The following CDC25B variants were observed in gnomAD, a reference collection of about 807,000 sequenced individuals.
The protein encoded by CDC25B is M-phase inducer phosphatase 2.
Under a neutral mutation model 69.8 loss-of-function variants are expected in CDC25B, and 33 were observed. The observed-to-expected ratio is 0.47, with a 90% confidence interval of 0.36 to 0.63. The LOEUF is 0.63. Among genes scored for constraint, CDC25B ranks in the 30% least tolerant of loss-of-function variants. The probability of loss-of-function intolerance (pLI) is 0.00; values close to 1 mark genes in which losing one functional copy is unlikely to be tolerated. For synonymous variants in CDC25B, 341 were observed against 314.6 expected (o/e 1.08, Z -0.89); for missense variants, 727 against 809.1 (o/e 0.90, Z 1.23).
upstream of CDC25B, chr20:3,796,121 G>A: frequency 1.9e-6 from 2 of 1,040,374 alleles, no homozygotes; most frequent in Non-Finnish European, 2.3e-6. Context: ...GGATGTGCGA[G>A]GGTGTGGGAT....
upstream of CDC25B, among the ~76,000 whole-genome samples, chr20:3,792,136 A>G (rs540793579): frequency 1.3e-5 from 2 of 151,184 alleles, no homozygotes; most frequent in South Asian, 4.2e-4. Context: ...CTGATCTTGA[A>G]CTCCTGACTT....
Position 3,801,044 on chromosome 20 carries a change from G to A in CDC25B, c.656G>A (p.Ser219Asn). 6.2e-7 allele frequency: 1 copy of A among 1,614,066 alleles called. No individual in the cohort carries two copies. Among genetic ancestry groups the A allele is most frequent in the Non-Finnish European group, 8.5e-7 (1 of 1,179,912 alleles). Reference protein sequence around the residue: ...SSTHALAEWASRREAFAQRPS... With the variant: ...SSTHALAEWANRREAFAQRPS... ...ACCCATGCTCTGGCAGAGTGGGCCA[G>A]CCGCAGGGAAGCCTTTGCCCAGAGA... Residue 219 changes from serine (S) to asparagine (N), a missense_variant, in exon 7 of 16, where the codon AGC becomes AAC. Ser to Asn is a conservative substitution (Grantham distance 46, BLOSUM62 1). Transcript: ENST00000245960.
chr20:3,801,785 GA>G lies in CDC25B; in HGVS notation c.908del (p.Lys303ArgfsTer26). ...LISAPLVKTL[E>X]KEEEKDLVMY... Reference sequence around the variant, plus strand: ...TAGTGCCCCACTGGTCAAGACCTTGGAAAAGGAAGAGGAAAAGGTGGGCCTC... The same window carrying G: ...TAGTGCCCCACTGGTCAAGACCTTGGAAAGGAAGAGGAAAAGGTGGGCCTC... On this transcript the variant is annotated frameshift_variant, in exon 9 of 16. Coordinates refer to ENST00000245960, the MANE Select transcript of CDC25B (RefSeq NM_021873.4). LOFTEE classifies it high-confidence loss of function. 6.2e-7 allele frequency: 1 copy of G among 1,606,144 alleles called. No homozygotes were observed. The highest frequency in any genetic ancestry group is 1.7e-5 in the Admixed American group (1 of 57,968).
Position 3,798,393 on chromosome 20 carries a change from A to T in CDC25B, c.329-19A>T. On this transcript the variant is annotated intron_variant, in intron 2 of 15. Transcript: ENST00000245960. ...AGAAAGTGCCACTACTTTCAAACCAAGGTGCTCTGTCCCCTCAGGTCTCTG... is the reference window on the plus strand; with the variant it reads ...AGAAAGTGCCACTACTTTCAAACCATGGTGCTCTGTCCCCTCAGGTCTCTG... 1 of 1,459,698 alleles carries T rather than the reference A, an allele frequency of 6.9e-7. No individual in the cohort carries two copies. 90.4% of individuals were successfully genotyped at this position (1,459,698 alleles called of 1,614,324 possible). A position where few individuals can be genotyped will look rare whatever the true frequency, so the allele number is the denominator to read the frequency against.
At chr20:3,794,750 C>T (rs2088981767), upstream of CDC25B, among the ~76,000 whole-genome samples, 1 of 152,204 alleles carries the variant, frequency 6.6e-6, no homozygotes, top group South Asian at 2.1e-4. Context: ...GGCCACCCCT[C>T]TCAGGTGGGG....
chr20:3,802,148 C>T (rs767593339), intron 10 of CDC25B, 48 bp downstream of exon 10: 1 of 1,538,058 alleles, frequency 6.5e-7, no homozygotes, highest in Non-Finnish European at 8.8e-7. Flanking sequence ...CCTGGGCAGC[C>T]ACCCCCTTGG....
At position 3,801,339 on chromosome 20, in the gene CDC25B, A is replaced by T; in HGVS notation, c.791A>T (p.Asp264Val). 6.2e-7 allele frequency: 1 copy of T among 1,613,954 alleles called. No homozygotes were observed. ...TTCTCTCTGACCCCTGCAGAGGGGG[A>T]TACTGAGGAAGATGATGGATTTGTG... ...GRFSLTPAEGDTEEDDGFVDI... is the reference protein window; with the variant it reads ...GRFSLTPAEGVTEEDDGFVDI... Residue 264 changes from aspartate to valine, a missense_variant, in exon 8 of 16, where the codon GAT becomes GTT. Asp to Val is a radical substitution (Grantham distance 152). Around this residue, in one of 2 missense-constraint regions of CDC25B, gnomAD observed 359 missense variants for 463.4 expected, o/e 0.77. Transcript: ENST00000245960.
At chr20:3,792,075 G>A (rs2088924058), upstream of CDC25B, among the ~76,000 whole-genome samples, 1 of 151,896 alleles carries the variant, frequency 6.6e-6, no homozygotes, top group Non-Finnish European at 1.5e-5. Context: ...CACCATGCCT[G>A]GCTAATTTTT....
intron 1 of CDC25B, 137 bp from the exon 2 acceptor site, chr20:3,797,485 G>T: frequency 9.1e-7 from 1 of 1,102,306 alleles, no homozygotes; most frequent in Non-Finnish European, 1.3e-6. Context: ...AGAAGAGGGG[G>T]CCCTCAGGGC....
chr20:3,797,716 C>T lies in CDC25B; in HGVS notation c.295C>T (p.Leu99=), dbSNP rs2146672937. ...GTCTCGACGGGCATCCGAATCCTCCCTGTCGTCTGAATCCTCCGAATCTTC... is the reference window on the plus strand; with the variant it reads ...GTCTCGACGGGCATCCGAATCCTCCTTGTCGTCTGAATCCTCCGAATCTTC... ...SLSRRASESS[L]SSESSESSDA... is the part of the protein sequence containing the mutation. The change falls in exon 2 of 16, where the codon CTG becomes TTG. Residue 99 remains leucine (L), a synonymous_variant. Transcript: ENST00000245960. 6.2e-7 allele frequency: 1 copy of T among 1,614,174 alleles called. No individual in the cohort carries two copies. Among genetic ancestry groups the T allele is most frequent in the Non-Finnish European group, 8.5e-7 (1 of 1,180,036 alleles).
chr20:3,787,033 T>TG (rs1289346876), exon 1 of CDC25B: 7 of 604,408 alleles, frequency 1.2e-5, no homozygotes, highest in South Asian at 7.6e-5. Context: ...TTTGTTTGTT[T>TG]TTTTTTTTTT....
At chr20:3,800,185 C>G (rs1433841571) in intron 3 of CDC25B, 103 bp from the exon 4 acceptor site, 1 of 1,136,716 alleles carries the variant, frequency 8.8e-7, no homozygotes, top group African/African-American at 1.5e-5. Flanking sequence ...GAGCCTTGGC[C>G]CTTGTCTTTG....
chr20:3,801,142 G>A (rs200305663), intron 7 of CDC25B, 49 bp downstream of exon 7: 740 of 1,609,088 alleles, frequency 4.6e-4, no homozygotes, highest in Non-Finnish European at 5.8e-4. Flanking sequence ...AGGCAGCCTC[G>A]GAGAAGAGGA....
upstream of CDC25B, among the ~76,000 whole-genome samples, chr20:3,791,926 A>G (rs976335897): frequency 6.6e-6 from 1 of 152,100 alleles, no homozygotes; most frequent in African/African-American, 2.4e-5. Context: ...TTATTTATTT[A>G]TTTTTGAGAC....
At chr20:3,788,051 C>T (rs1179166715) in intron 1 of CDC25B, among the ~76,000 whole-genome samples, 9 of 151,946 alleles carry the variant, frequency 5.9e-5, no homozygotes, top group Admixed American at 3.9e-4. Flanking sequence ...GCAGGAGAAT[C>T]GCTTGAGCCT....
chr20:3,801,823 C>T, intron 9 of CDC25B, 21 bp downstream of exon 9: 1 of 1,588,462 alleles, frequency 6.3e-7, no homozygotes, highest in Non-Finnish European at 8.6e-7. Context: ...GGGGTGGCCC[C>T]CTCCGAATTT....
chr20:3,796,502 T>C lies in CDC25B; in HGVS notation c.-30T>C, dbSNP rs2089055999. 7.0e-7 allele frequency: 1 copy of C among 1,421,724 alleles called. No individual in the cohort carries two copies. Among genetic ancestry groups the C allele is most frequent in the Non-Finnish European group, 9.2e-7 (1 of 1,088,300 alleles). 88.1% of individuals were successfully genotyped at this position (1,421,724 alleles called of 1,614,324 possible). A position where few individuals can be genotyped will look rare whatever the true frequency, so the allele number is the denominator to read the frequency against. ...TTGTTGGCTGCCCTGCGCCCGGCCC[T>C]CCAGCCAGCCTTCTGCCGGCCCCGC... On this transcript the variant is annotated 5_prime_UTR_variant, in exon 1 of 16. Transcript: ENST00000245960.
chr20:3,788,324 T>C (rs981610114), intron 1 of CDC25B, among the ~76,000 whole-genome samples: 2 of 152,210 alleles, frequency 1.3e-5, no homozygotes, highest in African/African-American at 2.4e-5. Context: ...CTGTGAATTT[T>C]CTAGTCATAT....
upstream of CDC25B, chr20:3,796,034 G>A (rs1016610167): frequency 3.6e-5 from 36 of 996,858 alleles, no homozygotes; most frequent in Non-Finnish European, 4.2e-5. Context: ...GGGCGTTGCT[G>A]CTGCCTTTGG....
Sources: allele counts gnomAD v4.1 joint callset (sites outside exome capture counted in the v4.1 genomes callset), GRCh38; gene constraint gnomAD v4.1.1; regional missense constraint gnomAD v4.1.1; transcripts MANE v1.5; gene names NCBI Gene and HGNC (gene_info 2026-07-23, HGNC 2026-07-21).